The following MACROD2 variants were observed in gnomAD, a reference collection of about 807,000 sequenced individuals.
MACROD2 encodes ADP-ribose glycohydrolase MACROD2.
In MACROD2, 36 loss-of-function variants were observed where a neutral mutation model predicts 70.4. The observed-to-expected ratio is 0.51, with a 90% CI of 0.39 to 0.68. The LOEUF is 0.68. MACROD2 is among the 30% of genes least tolerant of loss of function. The pLI is 0.00. For synonymous variants in MACROD2, 172 were observed against 178.8 expected (o/e 0.96, Z 0.30); for missense variants, 496 against 538.4 (o/e 0.92, Z 0.78).
At chr20:15,271,783 A>G (rs915074088) in intron 6 of MACROD2, among the ~76,000 whole-genome samples, 9 of 152,158 alleles carry the variant, frequency 5.9e-5, no homozygotes, top group African/African-American at 2.2e-4. Flanking sequence ...CTACCCTAAG[A>G]CCAGTGATAG....
chr20:15,691,923 C>T (rs1453194659), intron 8 of MACROD2, among the ~76,000 whole-genome samples: 1 of 152,188 alleles, frequency 6.6e-6, no homozygotes, highest in East Asian at 1.9e-4. Context: ...TCAACCTGCT[C>T]ACCTGCAGAG....
intron 7 of MACROD2, among the ~76,000 whole-genome samples, chr20:15,484,494 G>C (rs2047140357): frequency 6.6e-6 from 1 of 152,128 alleles, no homozygotes; most frequent in Non-Finnish European, 1.5e-5. Flanking sequence ...TATCTGGAAG[G>C]CTAGAGTGGG....
intron 6 of MACROD2, among the ~76,000 whole-genome samples, chr20:15,417,864 T>C (rs890686028): frequency 6.6e-6 from 1 of 152,146 alleles, no homozygotes; most frequent in Non-Finnish European, 1.5e-5. Context: ...TTTGAAGACA[T>C]GTTTAAGGCT....
intron 3 of MACROD2, among the ~76,000 whole-genome samples, chr20:14,124,335 A>G (rs546154263): frequency 2.6e-5 from 4 of 152,256 alleles, no homozygotes; most frequent in Non-Finnish European, 4.4e-5. Context: ...GTGAGCTCCT[A>G]CTTACCCATT....
rs566739538 is a variant in MACROD2, at chr20:15,287,765, T to C, written c.540+57704T>C. 3.3e-4 allele frequency among the ~76,000 whole-genome samples: 51 copies of C among 152,354 alleles called. 1 individual carries two copies. In the Middle Eastern group the frequency reaches 0.014, roughly 41 times the overall value. On this transcript the variant is annotated intron_variant, in intron 6 of 17. Transcript: ENST00000684519. ...GCCTAAGTTTTGAACAATTAGAGTATGCACTGTTATTAATTCTCTTATTAA... is the reference window on the plus strand; with the variant it reads ...GCCTAAGTTTTGAACAATTAGAGTACGCACTGTTATTAATTCTCTTATTAA...
At chr20:14,497,342 T>C (rs1245130854) in intron 4 of MACROD2, among the ~76,000 whole-genome samples, 1 of 151,736 alleles carries the variant, frequency 6.6e-6, no homozygotes, top group African/African-American at 2.4e-5. Flanking sequence ...GTAATAAGAA[T>C]GTTGTACATG....
intron 8 of MACROD2, among the ~76,000 whole-genome samples, chr20:15,569,546 C>T (rs1482323831): frequency 1.3e-5 from 2 of 152,172 alleles, no homozygotes; most frequent in African/African-American, 2.4e-5. Flanking sequence ...AGTCCCTGTT[C>T]CCCAGCCACC....
intron 6 of MACROD2, among the ~76,000 whole-genome samples, chr20:15,390,567 G>C (rs1337891850): frequency 6.6e-6 from 1 of 152,028 alleles, no homozygotes; most frequent in African/African-American, 2.4e-5. Flanking sequence ...AATGGAAGTA[G>C]ACCACACCAA....
At chr20:14,400,289 TA>T (rs1261161095) in intron 3 of MACROD2, among the ~76,000 whole-genome samples, 1 of 152,208 alleles carries the variant, frequency 6.6e-6, no homozygotes, top group Non-Finnish European at 1.5e-5. Flanking sequence ...ATTCTAGGGC[TA>T]ATTTTCCCCA....
At chr20:14,289,045 A>G (rs1445065070) in intron 3 of MACROD2, among the ~76,000 whole-genome samples, 5 of 152,142 alleles carry the variant, frequency 3.3e-5, no homozygotes, top group Admixed American at 3.3e-4. Context: ...AAGCTTCCAC[A>G]CCAGCCCTGA....
rs61572126 is a variant in MACROD2, at chr20:15,774,730, G to A, written c.646-88015G>A. On this transcript the variant is annotated intron_variant, in intron 8 of 17. Coordinates refer to ENST00000684519, the MANE Select transcript of MACROD2 (RefSeq NM_001351661.2). ...CTATGAAAGATCTGCTAGGAGAATCGAGTTTCAGAGAAAAAAAGGAATGAA... is the reference window on the plus strand; with the variant it reads ...CTATGAAAGATCTGCTAGGAGAATCAAGTTTCAGAGAAAAAAAGGAATGAA... Among the ~76,000 whole-genome samples the A allele has an allele frequency of 5.7e-4, 87 of 152,036 alleles. 1 individual carries two copies. Among genetic ancestry groups the A allele is most frequent in the Admixed American group, 3.2e-3 (49 of 15,280 alleles).
chr20:15,568,301 A>G (rs2048334683), intron 8 of MACROD2, among the ~76,000 whole-genome samples: 1 of 152,230 alleles, frequency 6.6e-6, no homozygotes, highest in Non-Finnish European at 1.5e-5. Flanking sequence ...GGTAGAGGAC[A>G]CATCTGTATA....
intron 8 of MACROD2, among the ~76,000 whole-genome samples, chr20:15,779,300 G>T (rs557419002): frequency 2.2e-4 from 33 of 152,094 alleles, no homozygotes; most frequent in Non-Finnish European, 4.1e-4. Flanking sequence ...AGATGCTCTT[G>T]AATTTTGATT....
chr20:15,590,222 C>A (rs1198600097), intron 8 of MACROD2, among the ~76,000 whole-genome samples: 1 of 152,184 alleles, frequency 6.6e-6, no homozygotes, highest in African/African-American at 2.4e-5. Context: ...GGAGAACTCA[C>A]TATACGCCAG....
In MACROD2 at chr20:15,927,589, G is replaced by A. The variant is rs116004159; in HGVS notation, c.776-5687G>A. ...GGTTATGTGTGTGAGGTGTGTGAGC[G>A]TGTAAAGGCCTGGTGCAAAGGAGAC... On this transcript the variant is annotated intron_variant, in intron 10 of 17. Coordinates refer to ENST00000684519, the MANE Select transcript of MACROD2 (RefSeq NM_001351661.2). 3.2e-3 allele frequency among the ~76,000 whole-genome samples: 492 copies of A among 152,130 alleles called. 3 individuals are homozygous for A. Among genetic ancestry groups the A allele is most frequent in the African/African-American group, 0.011 (475 of 41,494 alleles).
At chr20:15,796,920 A>G (rs1048721797) in intron 8 of MACROD2, among the ~76,000 whole-genome samples, 8 of 152,184 alleles carry the variant, frequency 5.3e-5, no homozygotes, top group African/African-American at 1.9e-4. Flanking sequence ...AATGCCTGTT[A>G]TATATACGAG....
At chr20:14,374,218 A>G (rs942292438) in intron 3 of MACROD2, among the ~76,000 whole-genome samples, 2 of 152,176 alleles carry the variant, frequency 1.3e-5, no homozygotes, top group East Asian at 3.8e-4. Flanking sequence ...GGTATATTCT[A>G]AAAAGTTTTT....
intron 4 of MACROD2, among the ~76,000 whole-genome samples, chr20:14,545,293 A>G (rs1461791527): frequency 6.6e-6 from 1 of 152,062 alleles, no homozygotes; most frequent in Non-Finnish European, 1.5e-5. Flanking sequence ...GGTTTTGGGT[A>G]TTGTTGGCTG....
At chr20:15,224,189 C>T (rs1406299616) in intron 5 of MACROD2, among the ~76,000 whole-genome samples, 4 of 152,140 alleles carry the variant, frequency 2.6e-5, no homozygotes, top group Admixed American at 6.5e-5. Context: ...GAAGGTCTGA[C>T]CCATAGAAGC....
Sources: gnomAD v4.1 joint callset for allele counts (sites outside exome capture counted in the v4.1 genomes callset) on GRCh38, gnomAD v4.1.1 for gene constraint, MANE v1.5 for transcripts, NCBI Gene and HGNC (gene_info 2026-07-23, HGNC 2026-07-21) for gene names.